Variants in JAK2 observed in about 807,000 individuals in gnomAD.
JAK2 encodes Janus kinase 2, also known as tyrosine-protein kinase JAK2.
A neutral mutation model predicts 139.3 loss-of-function variants in JAK2; 86 were observed. The ratio of observed to expected loss-of-function variants is 0.62; its 90% confidence interval spans 0.52 to 0.74. The LOEUF is 0.74. JAK2 is among the 30% of genes least tolerant of loss of function. The probability of loss-of-function intolerance (pLI) is 0.00; values close to 1 mark genes in which losing one functional copy is unlikely to be tolerated. For synonymous variants in JAK2, 490 were observed against 437.7 expected (o/e 1.12, Z -1.49); for missense variants, 1,421 against 1,360.3 (o/e 1.04, Z -0.70).
chr9:4,997,860 G>A (rs1433765543), intron 2 of JAK2, among the ~76,000 whole-genome samples: 4 of 151,932 alleles, frequency 2.6e-5, no homozygotes, highest in African/African-American at 9.7e-5. Flanking sequence ...CTGCAGAATT[G>A]TTTCATTTCC....
intron 22 of JAK2, among the ~76,000 whole-genome samples, chr9:5,121,999 A>C (rs1057346065): frequency 3.3e-5 from 5 of 152,162 alleles, no homozygotes; most frequent in African/African-American, 7.2e-5. Flanking sequence ...AAAATTTGTA[A>C]AGACTAAATG....
chr9:5,032,933 C>T (rs113574136), intron 4 of JAK2, among the ~76,000 whole-genome samples: 13,982 of 151,900 alleles, frequency 0.092, 1,939 homozygotes, highest in African/African-American at 0.3. Flanking sequence ...AGGCTTCAGA[C>T]GATCAAACTA....
chr9:5,088,310 C>T (rs573004814), intron 19 of JAK2, among the ~76,000 whole-genome samples: 5 of 152,248 alleles, frequency 3.3e-5, no homozygotes, highest in African/African-American at 1.2e-4. Flanking sequence ...CCTACATGGT[C>T]TAGGTTTTTT....
chr9:5,059,031 T>A (rs186786028), intron 8 of JAK2, among the ~76,000 whole-genome samples: 92 of 152,332 alleles, frequency 6.0e-4, no homozygotes, highest in Middle Eastern at 3.4e-3. Context: ...TTTTAAAGTT[T>A]TAGCTAGTTC....
intron 12 of JAK2, 109 bp downstream of exon 12, chr9:5,070,161 A>G: frequency 1.5e-6 from 1 of 666,650 alleles, no homozygotes; most frequent in Middle Eastern, 3.9e-4. Context: ...ATACAAATTT[A>G]GTTGTGATTT....
At chr9:5,032,347 G>A (rs1823223969) in intron 4 of JAK2, among the ~76,000 whole-genome samples, 1 of 152,248 alleles carries the variant, frequency 6.6e-6, no homozygotes, top group Admixed American at 6.5e-5. Flanking sequence ...ACAAAAGGCA[G>A]CAGAATCCTT....
At position 5,040,965 on chromosome 9, in the gene JAK2, C is replaced by T. The variant is rs182441873; in HGVS notation, c.351-3438C>T. 5.5e-4 allele frequency: 307 copies of T among 555,182 alleles called. 4 individuals carry two copies. The highest frequency in any genetic ancestry group is 5.2e-3 in the African/African-American group (273 of 52,386). The allele number at this position is 555,182 out of a possible 1,614,324, so 34.4% of individuals were successfully genotyped here. ...GCCAAGGAAAGAATCTCTATACAAA[C>T]AAATATGTGGCTATCAAATTGGAGC... On this transcript the variant is annotated intron_variant, in intron 4 of 24. Transcript: ENST00000381652.
chr9:5,085,627 G>C (rs1820029684), intron 19 of JAK2: 1 of 710,626 alleles, frequency 1.4e-6, no homozygotes, highest in Non-Finnish European at 2.6e-6. Context: ...AGCAAGGACA[G>C]CCTTCTTTTC....
intron 5 of JAK2, among the ~76,000 whole-genome samples, chr9:5,045,794 G>T (rs1816967773): frequency 6.6e-6 from 1 of 152,106 alleles, no homozygotes; most frequent in African/African-American, 2.4e-5. Context: ...TATGTATACT[G>T]CATTTTATTT....
intron 22 of JAK2, among the ~76,000 whole-genome samples, chr9:5,104,998 A>C (rs200653691): frequency 3.9e-5 from 6 of 152,186 alleles, no homozygotes; most frequent in Admixed American, 1.3e-4. Context: ...AAAACTGGCA[A>C]AAGACAAGGA....
At chr9:5,010,544 C>T (rs1469195510) in intron 2 of JAK2, among the ~76,000 whole-genome samples, 1 of 152,194 alleles carries the variant, frequency 6.6e-6, no homozygotes, top group East Asian at 1.9e-4. Context: ...TGGTCTCGAA[C>T]TCCTGACCTC....
chr9:5,081,455 AAGTATC>A (rs1178196739), intron 18 of JAK2, among the ~76,000 whole-genome samples: 2 of 152,150 alleles, frequency 1.3e-5, no homozygotes, highest in Non-Finnish European at 2.9e-5. Context: ...TTCTCACAAT[AAGTATC>A]AGTATATTAC....
At chr9:5,124,994 T>C (rs1823881088) in intron 23 of JAK2, among the ~76,000 whole-genome samples, 1 of 151,526 alleles carries the variant, frequency 6.6e-6, no homozygotes, top group African/African-American at 2.4e-5. Flanking sequence ...ATATTACTTT[T>C]ATTAAATCCA....
chr9:4,992,714 C>T (rs980699717), intron 2 of JAK2, among the ~76,000 whole-genome samples: 4 of 152,092 alleles, frequency 2.6e-5, no homozygotes, highest in Non-Finnish European at 5.9e-5. Context: ...ACTGAGGACC[C>T]ATGAAGAGAC....
chr9:5,072,441 C>T, intron 12 of JAK2, 51 bp from the exon 13 acceptor site: 3 of 1,390,132 alleles, frequency 2.2e-6, no homozygotes, highest in South Asian at 1.7e-5. Context: ...CTTGTTCCTA[C>T]TTCGTTCTCC....
chr9:5,106,569 T>C (rs907082213), intron 22 of JAK2, among the ~76,000 whole-genome samples: 1 of 152,228 alleles, frequency 6.6e-6, no homozygotes, highest in Non-Finnish European at 1.5e-5. Flanking sequence ...CAAAGGATTA[T>C]AAATCATGCT....
chr9:5,012,298 C>G (rs1205659698), intron 2 of JAK2, among the ~76,000 whole-genome samples: 3 of 152,152 alleles, frequency 2.0e-5, no homozygotes, highest in African/African-American at 7.2e-5. Flanking sequence ...CCCCTTCTTT[C>G]AAGGGTCATA....
At chr9:5,067,127 TAG>T (rs1197173185) in intron 10 of JAK2, among the ~76,000 whole-genome samples, 1 of 152,174 alleles carries the variant, frequency 6.6e-6, no homozygotes, top group Non-Finnish European at 1.5e-5. Flanking sequence ...CCACATCATG[TAG>T]AACAAAATAA....
chr9:5,103,700 A>C (rs950468001), intron 22 of JAK2, among the ~76,000 whole-genome samples: 2 of 152,224 alleles, frequency 1.3e-5, no homozygotes, highest in Admixed American at 6.5e-5. Context: ...AAAAGAACAG[A>C]TATCACAACA....
Sources: gnomAD v4.1 joint callset for allele counts (sites outside exome capture counted in the v4.1 genomes callset) on GRCh38, gnomAD v4.1.1 for gene constraint, MANE v1.5 for transcripts, NCBI Gene and HGNC (gene_info 2026-07-23, HGNC 2026-07-21) for gene names.